SGK1: variants seen among roughly 807,000 people sequenced by gnomAD.
The protein encoded by SGK1 is serum/glucocorticoid regulated kinase 1.
Under a neutral mutation model 64.2 loss-of-function variants are expected in SGK1, and 26 were observed. The ratio of observed to expected loss-of-function variants is 0.40; its 90% CI spans 0.30 to 0.56. The LOEUF (loss-of-function observed/expected upper bound fraction) is 0.56, where lower values mean the gene tolerates loss of function less well. Among genes scored for constraint, SGK1 ranks in the 20% least tolerant of loss-of-function variants. The probability of loss-of-function intolerance (pLI) is 0.38; values close to 1 mark genes in which losing one functional copy is unlikely to be tolerated. For missense variants in SGK1, 519 were observed against 645.6 expected, an observed-to-expected ratio of 0.80 and a Z score of 2.12; for synonymous variants, 265 against 239.7, an observed-to-expected ratio of 1.11 and a Z score of -0.98.
At chr6:134,226,728 A>C (rs536184546) in intron 2 of SGK1, among the ~76,000 whole-genome samples, 1 of 152,184 alleles carries the variant, frequency 6.6e-6, no homozygotes, top group East Asian at 1.9e-4. Context: ...AAATAAATAA[A>C]AAATAAGAGA....
At chr6:134,290,079 G>A (rs1054703509) in intron 1 of SGK1, among the ~76,000 whole-genome samples, 5 of 150,796 alleles carry the variant, frequency 3.3e-5, no homozygotes, top group African/African-American at 4.9e-5. Flanking sequence ...GAACCCGTGA[G>A]GGGGAGGTTA....
intron 2 of SGK1, among the ~76,000 whole-genome samples, chr6:134,211,967 T>C (rs1304898616): frequency 1.3e-5 from 2 of 151,666 alleles, no homozygotes; most frequent in Non-Finnish European, 2.9e-5. Context: ...TCCACTGAAG[T>C]ACTACTTCAA....
intron 3 of SGK1, among the ~76,000 whole-genome samples, chr6:134,189,321 G>T (rs1195611066): frequency 6.6e-6 from 1 of 151,752 alleles, no homozygotes; most frequent in East Asian, 1.9e-4. Context: ...TCATTTCACA[G>T]AAGATACAAA....
intron 2 of SGK1, among the ~76,000 whole-genome samples, chr6:134,219,915 C>T (rs1214228769): frequency 1.4e-5 from 2 of 145,880 alleles, no homozygotes; most frequent in Non-Finnish European, 3.0e-5. Flanking sequence ...AAAAATTAGC[C>T]GGGCGTAGGG....
At chr6:134,219,490 G>C (rs1157809314) in intron 2 of SGK1, among the ~76,000 whole-genome samples, 1 of 152,126 alleles carries the variant, frequency 6.6e-6, no homozygotes, top group Non-Finnish European at 1.5e-5. Flanking sequence ...GCCAGCCGCG[G>C]TATCTCACGC....
At chr6:134,205,943 G>A (rs1372260719) in intron 3 of SGK1, among the ~76,000 whole-genome samples, 1 of 152,028 alleles carries the variant, frequency 6.6e-6, no homozygotes, top group African/African-American at 2.4e-5. Context: ...TCTACTTTGT[G>A]CAATTAGGCC....
Position 134,309,622 on chromosome 6 carries a change from G to A in SGK1, c.69+7770C>T, listed in dbSNP as rs561607170. Among the ~76,000 whole-genome samples the A allele has an allele frequency of 7.2e-5, 11 of 152,258 alleles. No homozygotes were observed. In the East Asian group the frequency reaches 1.7e-3, roughly 24 times the overall value. ...ATGTGGATCTCTATAGAGACACTGC[G>A]TATCCCTTCAGTTAAAGCTCTTCGA... On this transcript the variant is annotated intron_variant, in intron 1 of 13. Coordinates refer to ENST00000367858, the MANE Select transcript of SGK1 (RefSeq NM_001143676.3).
chr6:134,174,833 G>A (rs375117971), intron 3 of SGK1: 12 of 1,613,580 alleles, frequency 7.4e-6, no homozygotes, highest in African/African-American at 4.0e-5. Context: ...ACAGAAAGAC[G>A]TTAGCGCTCA....
At chr6:134,258,998 TAATAA>T (rs532872686) in intron 2 of SGK1, among the ~76,000 whole-genome samples, 26 of 152,092 alleles carry the variant, frequency 1.7e-4, no homozygotes, top group African/African-American at 5.8e-4. Flanking sequence ...AAAAAAAAAG[TAATAA>T]AATAAAGTAT....
At chr6:134,303,190 G>A (rs1777484472) in intron 1 of SGK1, among the ~76,000 whole-genome samples, 1 of 151,906 alleles carries the variant, frequency 6.6e-6, no homozygotes, top group African/African-American at 2.4e-5. Flanking sequence ...TCAGGAGATC[G>A]AGTCCATCCT....
chr6:134,237,187 T>C (rs1776377906), intron 2 of SGK1, among the ~76,000 whole-genome samples: 1 of 151,640 alleles, frequency 6.6e-6, no homozygotes, highest in African/African-American at 2.4e-5. Flanking sequence ...CCCAAACAGC[T>C]AGGACTGCTG....
At chr6:134,189,959 C>T (rs1255195652) in intron 3 of SGK1, among the ~76,000 whole-genome samples, 3 of 152,204 alleles carry the variant, frequency 2.0e-5, no homozygotes, top group Non-Finnish European at 4.4e-5. Context: ...AAGTGATTCT[C>T]TTGCCTCAGC....
Position 134,171,735 on chromosome 6 carries a change from G to GA in SGK1, c.1072-4dup. ...TGAAGCACCTCAGGTGCGAGATACT[G>GA]AAAAACAGACCAGGGAAACAGCGTT... is the stretch of plus-strand genomic sequence containing the variant. On this transcript the variant is annotated splice_region_variant and splice_polypyrimidine_tract_variant and intron_variant, in intron 10 of 13. Coordinates refer to ENST00000367858, the MANE Select transcript of SGK1 (RefSeq NM_001143676.3). 1.3e-6 allele frequency: 2 copies of GA among 1,599,632 alleles called. No individual in the cohort carries two copies. Among genetic ancestry groups the GA allele is most frequent in the Non-Finnish European group, 1.7e-6 (2 of 1,167,184 alleles).
At chr6:134,238,286 G>A (rs999540949) in intron 2 of SGK1, among the ~76,000 whole-genome samples, 5 of 152,200 alleles carry the variant, frequency 3.3e-5, no homozygotes, top group African/African-American at 1.2e-4. Context: ...GACTTTAGAT[G>A]TAGGAAGGAT....
chr6:134,211,771 T>C (rs1490340147), intron 2 of SGK1, among the ~76,000 whole-genome samples: 1 of 149,196 alleles, frequency 6.7e-6, no homozygotes, highest in African/African-American at 2.5e-5. Flanking sequence ...CACTGTAAAA[T>C]ATCCCTCCTA....
chr6:134,175,954 A>G, intron 3 of SGK1: 1 of 1,161,714 alleles, frequency 8.6e-7, no homozygotes, highest in Non-Finnish European at 1.1e-6. Context: ...GGCGGAAATA[A>G]AAGTCGTCTC....
At chr6:134,181,917 G>A (rs1265989104) in intron 3 of SGK1, among the ~76,000 whole-genome samples, 1 of 151,970 alleles carries the variant, frequency 6.6e-6, no homozygotes, top group Non-Finnish European at 1.5e-5. Context: ...AAGTGCAGTG[G>A]CGCAATCTTG....
At chr6:134,201,872 T>A (rs900107931) in intron 3 of SGK1, among the ~76,000 whole-genome samples, 2 of 152,100 alleles carry the variant, frequency 1.3e-5, no homozygotes, top group Non-Finnish European at 2.9e-5. Flanking sequence ...AGTTTCCAAG[T>A]GCTGATGTGC....
intron 2 of SGK1, chr6:134,218,822 T>C (rs1776031710): frequency 6.6e-6 from 1 of 152,198 alleles, no homozygotes; most frequent in African/African-American, 2.4e-5. Context: ...AGGCGATAAG[T>C]GGTCATTTTA....
Sources: gnomAD v4.1 joint callset for allele counts (sites outside exome capture counted in the v4.1 genomes callset) on GRCh38, gnomAD v4.1.1 for gene constraint, MANE v1.5 for transcripts, NCBI Gene and HGNC (gene_info 2026-07-23, HGNC 2026-07-21) for gene names.